Variants in C3orf70 observed in about 807,000 individuals in gnomAD.
The protein encoded by C3orf70 is UPF0524 protein C3orf70.
In C3orf70, 15 loss-of-function variants were observed where a neutral mutation model predicts 20.7. The observed-to-expected ratio is 0.72, with a 90% CI of 0.48 to 1.11. The LOEUF (loss-of-function observed/expected upper bound fraction) is 1.11, where lower values mean the gene tolerates loss of function less well. C3orf70 is among the 50% of genes most tolerant of loss of function. The probability of loss-of-function intolerance (pLI) is 0.00; values close to 1 mark genes in which losing one functional copy is unlikely to be tolerated. For missense variants in C3orf70, 332 were observed against 317.6 expected (o/e 1.05, Z -0.34); for synonymous variants, 161 against 125.7 (o/e 1.28, Z -1.88).
At chr3:185,116,362 AATATTAT>A (rs1295063118) in intron 1 of C3orf70, among the ~76,000 whole-genome samples, 1 of 147,890 alleles carries the variant, frequency 6.8e-6, no homozygotes, top group African/African-American at 2.5e-5. Flanking sequence ...CGAAAAAACA[AATATTAT>A]AGTACAGATA....
chr3:185,119,403 G>A (rs139600550), intron 1 of C3orf70, among the ~76,000 whole-genome samples: 97 of 151,380 alleles, frequency 6.4e-4, no homozygotes, highest in African/African-American at 2.2e-3. Context: ...CTGTAATCCC[G>A]GCATTTTGGG....
intron 1 of C3orf70, among the ~76,000 whole-genome samples, chr3:185,096,287 CA>C (rs1433030671): frequency 6.6e-6 from 1 of 152,138 alleles, no homozygotes; most frequent in Admixed American, 6.6e-5. Flanking sequence ...GTGTCTACTT[CA>C]TTGTCTGTCT....
chr3:185,109,923 A>G (rs1299104186), intron 1 of C3orf70, among the ~76,000 whole-genome samples: 1 of 152,228 alleles, frequency 6.6e-6, no homozygotes, highest in Non-Finnish European at 1.5e-5. Context: ...GTGCTACACA[A>G]CGATTCCTAT....
intron 1 of C3orf70, among the ~76,000 whole-genome samples, chr3:185,146,554 C>G (rs1716880650): frequency 6.6e-6 from 1 of 152,158 alleles, no homozygotes; most frequent in Non-Finnish European, 1.5e-5. Flanking sequence ...TCCCAAAGTG[C>G]TGGGATTACA....
At chr3:185,140,196 T>G (rs1716722965) in intron 1 of C3orf70, among the ~76,000 whole-genome samples, 1 of 152,218 alleles carries the variant, frequency 6.6e-6, no homozygotes, top group African/African-American at 2.4e-5. Context: ...ACTCATGCAG[T>G]TCAAACCCAT....
chr3:185,107,664 T>C (rs1048013284), intron 1 of C3orf70, among the ~76,000 whole-genome samples: 3 of 152,160 alleles, frequency 2.0e-5, no homozygotes, highest in Admixed American at 1.3e-4. Context: ...AATGGGCACA[T>C]AGCTCCAACA....
chr3:185,143,246 G>A (rs1056491815), intron 1 of C3orf70, among the ~76,000 whole-genome samples: 1 of 152,122 alleles, frequency 6.6e-6, no homozygotes, highest in East Asian at 1.9e-4. Context: ...ATGTATTGGG[G>A]GGAAAGGCGA....
At chr3:185,121,544 A>C (rs1288752623) in intron 1 of C3orf70, among the ~76,000 whole-genome samples, 1 of 152,090 alleles carries the variant, frequency 6.6e-6, no homozygotes, top group Admixed American at 6.5e-5. Context: ...GTATGAGAAC[A>C]CTCAACGCAG....
intron 1 of C3orf70, among the ~76,000 whole-genome samples, chr3:185,108,946 T>G (rs938967000): frequency 2.0e-5 from 3 of 152,244 alleles, no homozygotes; most frequent in African/African-American, 7.2e-5. Context: ...GTGATGGGCA[T>G]TCCAGCTTCT....
At chr3:185,090,271 AAAAG>A (rs1438524744) in intron 1 of C3orf70, among the ~76,000 whole-genome samples, 1 of 151,630 alleles carries the variant, frequency 6.6e-6, no homozygotes, top group Admixed American at 6.5e-5. Flanking sequence ...AAGGGAATGA[AAAAG>A]AAAAAATAAA....
At chr3:185,150,515 G>T (rs929252458) in intron 1 of C3orf70, among the ~76,000 whole-genome samples, 1 of 151,996 alleles carries the variant, frequency 6.6e-6, no homozygotes, top group Non-Finnish European at 1.5e-5. Context: ...TGTGAGATGG[G>T]CAAACAGTGG....
intron 1 of C3orf70, among the ~76,000 whole-genome samples, chr3:185,097,471 T>C (rs1715732721): frequency 6.6e-6 from 1 of 152,222 alleles, no homozygotes; most frequent in African/African-American, 2.4e-5. Flanking sequence ...AGGAATGGCA[T>C]ATAAAACTAC....
chr3:185,094,048 T>G (rs1425891317), intron 1 of C3orf70, among the ~76,000 whole-genome samples: 2 of 151,082 alleles, frequency 1.3e-5, no homozygotes, highest in African/African-American at 2.4e-5. Flanking sequence ...ACAAAGTAAA[T>G]GGTTTGTAAT....
Position 185,080,194 on chromosome 3 carries a change from T to C in C3orf70, c.*2813A>G, listed in dbSNP as rs1397057158. The stretch of plus-strand genomic sequence containing the variant: ...GAATCCAATGGAATGTCTCTAATTC[T>C]ATATAGTAGATAGTAGCAAGTGAAG... On this transcript the variant is annotated 3_prime_UTR_variant, in exon 2 of 2. Transcript: ENST00000335012. The C allele has an allele frequency of 6.5e-6, 1 of 152,698 alleles. No individual in the cohort carries two copies. The highest frequency in any genetic ancestry group is 2.4e-5 in the African/African-American group (1 of 41,476). The allele number at this position is 152,698 out of a possible 1,614,324, so 9.5% of individuals were successfully genotyped here.
In C3orf70 at chr3:185,079,306, T is replaced by TAAAAAAAAAAAAAA. The variant is rs1321535800; in HGVS notation, c.*3700_*3701insTTTTTTTTTTTTTT. On this transcript the variant is annotated 3_prime_UTR_variant, in exon 2 of 2. Transcript: ENST00000335012. ...AAAAAAAAAAAAAAAAAAAAAAAAG[T>TAAAAAAAAAAAAAA]AAAGCCACCACTCCCAAGATAGAAT... 19 of 122,776 alleles carry TAAAAAAAAAAAAAA rather than the reference T, an allele frequency of 1.5e-4. No individual in the cohort carries two copies. Among genetic ancestry groups the TAAAAAAAAAAAAAA allele is most frequent in the African/African-American group, 3.2e-4 (9 of 28,482 alleles). The allele number at this position is 122,776 out of a possible 1,614,324, so 7.6% of individuals were successfully genotyped here.
chr3:185,092,890 C>T (rs1715621469), intron 1 of C3orf70, among the ~76,000 whole-genome samples: 1 of 151,408 alleles, frequency 6.6e-6, no homozygotes. Context: ...ACTTGGGAAG[C>T]TGAGACAGGA....
At chr3:185,113,791 A>G (rs1406732776) in intron 1 of C3orf70, among the ~76,000 whole-genome samples, 5 of 152,224 alleles carry the variant, frequency 3.3e-5, no homozygotes, top group Non-Finnish European at 7.3e-5. Flanking sequence ...AGGGGGAGGT[A>G]CATGGCTTAG....
rs116013955 is a variant in C3orf70 at position 185,103,894 on chromosome 3, T to C, written c.197-20331A>G. ...TTTCAGGCATATACATGGTGGGCTC[T>C]GTGGGAACCTGCACAGGGAGGAGGG... On this transcript the variant is annotated intron_variant, in intron 1 of 1. Coordinates refer to ENST00000335012, the MANE Select transcript of C3orf70 (RefSeq NM_001025266.3). 7.0e-3 allele frequency among the ~76,000 whole-genome samples: 1,064 copies of C among 152,290 alleles called. 18 individuals carry two copies. The highest frequency in any genetic ancestry group is 0.025 in the African/African-American group (1,022 of 41,552).
At chr3:185,090,847 A>G (rs11925971) in intron 1 of C3orf70, among the ~76,000 whole-genome samples, 3,668 of 152,246 alleles carry the variant, frequency 0.024, 121 homozygotes, top group African/African-American at 0.083. Flanking sequence ...TGAGGACGCT[A>G]AAGTTTGCAT....
Sources: allele counts gnomAD v4.1 joint callset (sites outside exome capture counted in the v4.1 genomes callset), GRCh38; gene constraint gnomAD v4.1.1; transcripts MANE v1.5; gene names NCBI Gene and HGNC (gene_info 2026-07-23, HGNC 2026-07-21).